Variants in FGF14 observed in about 807,000 individuals in gnomAD.
FGF14 encodes fibroblast growth factor homologous factor 4.
FGF14 carries 5 observed loss-of-function variants against 25.5 expected under a neutral mutation model. The ratio of observed to expected loss-of-function variants is 0.20; its 90% CI spans 0.10 to 0.41. The LOEUF is 0.41. Among genes scored for constraint, FGF14 ranks in the 10% least tolerant of loss-of-function variants. The pLI, the probability that FGF14 is intolerant of heterozygous loss-of-function variation, is 1.00. For missense variants in FGF14, 222 were observed against 320.1 expected (o/e 0.69, Z 2.34); for synonymous variants, 138 against 118.3 (o/e 1.17, Z -1.08).
chr13:101,999,872 C>G (rs1594946128), intron 1 of FGF14, among the ~76,000 whole-genome samples: 1 of 152,150 alleles, frequency 6.6e-6, no homozygotes, highest in East Asian at 1.9e-4. Context: ...ATTTCTGCCA[C>G]TAAGGATCCA....
At chr13:101,845,682 A>G (rs2043418798) in intron 3 of FGF14, among the ~76,000 whole-genome samples, 1 of 152,028 alleles carries the variant, frequency 6.6e-6, no homozygotes, top group Non-Finnish European at 1.5e-5. Flanking sequence ...CTTATAAGCA[A>G]ATAAAGAATG....
At chr13:102,006,889 C>A (rs1011068695) in intron 1 of FGF14, among the ~76,000 whole-genome samples, 2 of 150,536 alleles carry the variant, frequency 1.3e-5, no homozygotes, top group Middle Eastern at 3.2e-3. Flanking sequence ...GGACTACAGG[C>A]GCCCGCCACC....
At chr13:101,806,424 A>T (rs1196889577) in intron 3 of FGF14, among the ~76,000 whole-genome samples, 1 of 122,350 alleles carries the variant, frequency 8.2e-6, no homozygotes, top group Non-Finnish European at 1.7e-5. Flanking sequence ...GTCTAAGAAG[A>T]AAAAAAAAAA....
At chr13:101,881,103 T>C (rs544949893) in intron 1 of FGF14, among the ~76,000 whole-genome samples, 1 of 152,330 alleles carries the variant, frequency 6.6e-6, no homozygotes, top group South Asian at 2.1e-4. Context: ...GAAGGGAGAC[T>C]GTAAGAATCC....
intron 3 of FGF14, among the ~76,000 whole-genome samples, chr13:101,761,614 C>T (rs2038034280): frequency 6.6e-6 from 1 of 151,996 alleles, no homozygotes; most frequent in East Asian, 1.9e-4. Flanking sequence ...TCAAAGAGCA[C>T]CAAGGAGGAT....
intron 1 of FGF14, among the ~76,000 whole-genome samples, chr13:102,210,027 T>A (rs543163932): frequency 6.6e-6 from 1 of 152,100 alleles, no homozygotes; most frequent in South Asian, 2.1e-4. Flanking sequence ...CTAATTAAAA[T>A]ATTTAAAGCC....
At chr13:101,860,398 A>G (rs1377566246) in intron 3 of FGF14, among the ~76,000 whole-genome samples, 1 of 151,984 alleles carries the variant, frequency 6.6e-6, no homozygotes, top group Non-Finnish European at 1.5e-5. Flanking sequence ...TGGTCATGTC[A>G]TTCTGCTTAC....
At chr13:102,000,778 C>G (rs1391992703) in intron 1 of FGF14, among the ~76,000 whole-genome samples, 1 of 152,208 alleles carries the variant, frequency 6.6e-6, no homozygotes, top group African/African-American at 2.4e-5. Flanking sequence ...CACTACACCT[C>G]TGATCTCAAA....
At chr13:101,959,300 G>A (rs114328292) in intron 1 of FGF14, among the ~76,000 whole-genome samples, 2 of 152,026 alleles carry the variant, frequency 1.3e-5, no homozygotes, top group Non-Finnish European at 2.9e-5. Flanking sequence ...TGGAACCTCT[G>A]CTCTAATAGT....
At chr13:102,275,362 T>C (rs577713030) in intron 1 of FGF14, among the ~76,000 whole-genome samples, 28 of 151,850 alleles carry the variant, frequency 1.8e-4, no homozygotes, top group Non-Finnish European at 2.5e-4. Context: ...AAAAATATTA[T>C]CTAATGAAGA....
At chr13:101,985,089 T>G (rs1028681446) in intron 1 of FGF14, among the ~76,000 whole-genome samples, 10 of 151,396 alleles carry the variant, frequency 6.6e-5, no homozygotes, top group African/African-American at 1.2e-4. Context: ...TGTTTTTTTT[T>G]TTTTTGCCAC....
chr13:101,813,581 A>G (rs2041687396), intron 3 of FGF14, among the ~76,000 whole-genome samples: 1 of 152,196 alleles, frequency 6.6e-6, no homozygotes, highest in African/African-American at 2.4e-5. Context: ...TCTATTATCC[A>G]GTCTCAGGTA....
chr13:102,380,900 G>A (rs2058168742), intron 1 of FGF14, among the ~76,000 whole-genome samples: 1 of 151,956 alleles, frequency 6.6e-6, no homozygotes, highest in Non-Finnish European at 1.5e-5. Context: ...ACTTATAATG[G>A]GGTTATGTCC....
chr13:102,153,956 C>T (rs1025547761), intron 1 of FGF14, among the ~76,000 whole-genome samples: 1 of 152,312 alleles, frequency 6.6e-6, no homozygotes, highest in Admixed American at 6.5e-5. Flanking sequence ...TTGTTCTTCT[C>T]TCTATTGTAG....
intron 3 of FGF14, among the ~76,000 whole-genome samples, chr13:101,749,608 T>C (rs919667081): frequency 2.0e-5 from 3 of 152,146 alleles, no homozygotes; most frequent in African/African-American, 7.2e-5. Context: ...TTTCTCTACA[T>C]GTGTGTTAGG....
At chr13:102,094,154 A>G (rs548774957) in intron 1 of FGF14, among the ~76,000 whole-genome samples, 1 of 151,538 alleles carries the variant, frequency 6.6e-6, no homozygotes, top group South Asian at 2.1e-4. Context: ...TTTTTGCAAA[A>G]TACCTTTTTA....
chr13:102,081,713 CAT>C (rs1436956933), intron 1 of FGF14, among the ~76,000 whole-genome samples: 5 of 152,108 alleles, frequency 3.3e-5, no homozygotes, highest in African/African-American at 4.8e-5. Context: ...ATTACTATGA[CAT>C]GTGTTTTTGT....
chr13:102,291,692 A>C lies in FGF14; in HGVS notation c.208+109779T>G, dbSNP rs371723838. On this transcript the variant is annotated intron_variant, in intron 1 of 4. Coordinates refer to the FGF14 transcript ENST00000376131. Reference sequence around the variant, plus strand: ...AGAATGTTAAAGACTTGATTGGAATAAAATCAGACCCTAAGAATAAGGCTG... The same window carrying C: ...AGAATGTTAAAGACTTGATTGGAATCAAATCAGACCCTAAGAATAAGGCTG... Among the ~76,000 whole-genome samples, 6 of 152,310 alleles carry C rather than the reference A, an allele frequency of 3.9e-5. No individual in the cohort carries two copies. In the South Asian group the frequency reaches 1.2e-3, roughly 32 times the overall value.
chr13:101,939,497 T>C (rs1351139840), intron 1 of FGF14, among the ~76,000 whole-genome samples: 1 of 152,148 alleles, frequency 6.6e-6, no homozygotes, highest in Non-Finnish European at 1.5e-5. Flanking sequence ...TAAGCCTAAC[T>C]CCTACCTTAA....
Sources: gnomAD v4.1 joint callset for allele counts (sites outside exome capture counted in the v4.1 genomes callset) on GRCh38, gnomAD v4.1.1 for gene constraint, MANE v1.5 for transcripts, NCBI Gene and HGNC (gene_info 2026-07-23, HGNC 2026-07-21) for gene names.